The following SSBP2 variants were observed in gnomAD, a reference collection of about 807,000 sequenced individuals.
SSBP2 encodes single stranded DNA binding protein 2, also known as single-stranded DNA-binding protein 2.
Under a neutral mutation model 61.8 loss-of-function variants are expected in SSBP2, and 17 were observed. The observed-to-expected ratio is 0.28, with a 90% CI of 0.19 to 0.41. The LOEUF is 0.41. SSBP2 is among the 10% of genes least tolerant of loss of function. The pLI, the probability that SSBP2 is intolerant of heterozygous loss-of-function variation, is 1.00. For missense variants in SSBP2, 310 were observed against 458.7 expected (o/e 0.68, Z 2.96); for synonymous variants, 139 against 141.3 (o/e 0.98, Z 0.12).
chr5:81,447,480 C>T (rs961353923), intron 11 of SSBP2, among the ~76,000 whole-genome samples: 10 of 152,258 alleles, frequency 6.6e-5, no homozygotes, highest in African/African-American at 2.4e-4. Flanking sequence ...GCTGTAGCTA[C>T]ACAATCAAAC....
At chr5:81,626,725 G>A (rs115796357) in intron 3 of SSBP2, among the ~76,000 whole-genome samples, 1,636 of 152,258 alleles carry the variant, frequency 0.011, 29 homozygotes, top group African/African-American at 0.038. Context: ...ATCCGTGGAT[G>A]CCTCAATATA....
chr5:81,581,571 AT>A (rs1440802177), intron 4 of SSBP2, among the ~76,000 whole-genome samples: 1 of 152,208 alleles, frequency 6.6e-6, no homozygotes, highest in African/African-American at 2.4e-5. Context: ...ACAAATGAAA[AT>A]GTTTTTGCTG....
At chr5:81,627,351 C>A (rs894042347) in intron 3 of SSBP2, among the ~76,000 whole-genome samples, 2 of 152,142 alleles carry the variant, frequency 1.3e-5, no homozygotes, top group Admixed American at 6.5e-5. Context: ...CCTCCTCCTT[C>A]TAGCCCCGTT....
At position 81,518,603 on chromosome 5, in the gene SSBP2, A is replaced by C. The variant is rs538229378; in HGVS notation, c.283-4886T>G. Among the ~76,000 whole-genome samples, 3 of 152,270 alleles carry C rather than the reference A, an allele frequency of 2.0e-5. No homozygotes were observed. The East Asian group carries it at 5.8e-4, about 29-fold the overall frequency. On this transcript the variant is annotated intron_variant, in intron 4 of 16. Transcript: ENST00000320672. ...CTTTATAAACTACCCAGTCTCGGATATTCTGTTATAGCAGCACAGAATGAA... is the reference window on the plus strand; with the variant it reads ...CTTTATAAACTACCCAGTCTCGGATCTTCTGTTATAGCAGCACAGAATGAA...
At chr5:81,555,834 C>G (rs1457787731) in intron 4 of SSBP2, among the ~76,000 whole-genome samples, 1 of 152,062 alleles carries the variant, frequency 6.6e-6, no homozygotes, top group Non-Finnish European at 1.5e-5. Context: ...TGAGTCTCCA[C>G]ATTTTTGGTA....
At chr5:81,429,320 T>TTA (rs1762145923) in intron 15 of SSBP2, among the ~76,000 whole-genome samples, 1 of 152,128 alleles carries the variant, frequency 6.6e-6, no homozygotes, top group African/African-American at 2.4e-5. Flanking sequence ...AGTTTAAGAG[T>TTA]AGATTTACTT....
intron 1 of SSBP2, among the ~76,000 whole-genome samples, chr5:81,704,822 A>T (rs1754253638): frequency 1.4e-5 from 2 of 143,966 alleles, no homozygotes; most frequent in Admixed American, 1.4e-4. Flanking sequence ...AAAAAAAAAA[A>T]TGCATTCCCT....
At chr5:81,743,941 C>T (rs1296754737) in intron 1 of SSBP2, among the ~76,000 whole-genome samples, 1 of 152,204 alleles carries the variant, frequency 6.6e-6, no homozygotes, top group East Asian at 1.9e-4. Context: ...CACTTCTAGA[C>T]ATCCTGTTAT....
At chr5:81,473,568 C>T (rs533916212) in intron 8 of SSBP2, 132 bp downstream of exon 8, 81 of 761,752 alleles carry the variant, frequency 1.1e-4, no homozygotes, top group Non-Finnish European at 1.4e-4. Flanking sequence ...AGGACATAAT[C>T]GCATTCCTTT....
chr5:81,709,304 A>G (rs1754612689), intron 1 of SSBP2, among the ~76,000 whole-genome samples: 1 of 152,006 alleles, frequency 6.6e-6, no homozygotes, highest in African/African-American at 2.4e-5. Context: ...AAGCCAATAT[A>G]TAACCCACTA....
chr5:81,441,671 A>G (rs1355029880), intron 13 of SSBP2, among the ~76,000 whole-genome samples: 2 of 152,216 alleles, frequency 1.3e-5, no homozygotes, highest in Non-Finnish European at 2.9e-5. Context: ...GCCTTCTATC[A>G]CCATGGGCAA....
chr5:81,736,191 C>CACACACA (rs1257403812), intron 1 of SSBP2, among the ~76,000 whole-genome samples: 10 of 60,298 alleles, frequency 1.7e-4, no homozygotes, highest in African/African-American at 7.6e-4. Context: ...CACACACACT[C>CACACACA]TACGGCACTA....
In SSBP2 at chr5:81,527,901, T is replaced by TAAA. The variant is rs57104850; in HGVS notation, c.283-14187_283-14185dup. ...GTATGTATCCCAGAACTTAAAGTAG[T>TAAA]AAAAAAAAAAAAAAAAAGTGTTCTA... On this transcript the variant is annotated intron_variant, in intron 4 of 16. Coordinates refer to ENST00000320672, the MANE Select transcript of SSBP2 (RefSeq NM_012446.5). Among the ~76,000 whole-genome samples the TAAA allele has an allele frequency of 2.8e-3, 358 of 126,876 alleles. 3 individuals are homozygous for TAAA. Among genetic ancestry groups the TAAA allele is most frequent in the African/African-American group, 9.5e-3 (340 of 35,656 alleles). 83.2% of individuals were successfully genotyped at this position (126,876 alleles called of 152,430 possible).
chr5:81,525,480 A>G (rs1306539923), intron 4 of SSBP2, among the ~76,000 whole-genome samples: 1 of 151,996 alleles, frequency 6.6e-6, no homozygotes, highest in Non-Finnish European at 1.5e-5. Context: ...AATGGTCTTC[A>G]GTAGAGCTAA....
At chr5:81,566,584 C>T (rs1186667604) in intron 4 of SSBP2, among the ~76,000 whole-genome samples, 2 of 152,122 alleles carry the variant, frequency 1.3e-5, no homozygotes, top group Admixed American at 1.3e-4. Context: ...TCTTTATCAG[C>T]AGCATGAAAA....
At position 81,663,791 on chromosome 5, in the gene SSBP2, G is replaced by A. The variant is rs150028085; in HGVS notation, c.63-13452C>T. Among the ~76,000 whole-genome samples the A allele has an allele frequency of 4.1e-3, 627 of 152,200 alleles. 4 individuals carry two copies. Among genetic ancestry groups the A allele is most frequent in the African/African-American group, 0.014 (591 of 41,552 alleles). On this transcript the variant is annotated intron_variant, in intron 1 of 16. Transcript: ENST00000320672. Reference sequence around the variant, plus strand: ...CTTTTAATATTCAAAGAAAGTGTAGGGTTGAAACTGAAAAGTAGCCATTTA... The same window carrying A: ...CTTTTAATATTCAAAGAAAGTGTAGAGTTGAAACTGAAAAGTAGCCATTTA...
chr5:81,581,288 T>G (rs1213466810), intron 4 of SSBP2, among the ~76,000 whole-genome samples: 3 of 152,160 alleles, frequency 2.0e-5, no homozygotes, highest in Non-Finnish European at 4.4e-5. Context: ...TGAAGAATAC[T>G]AAAGAGGCGA....
intron 1 of SSBP2, among the ~76,000 whole-genome samples, chr5:81,674,654 C>CAA (rs1751823153): frequency 6.6e-6 from 1 of 152,142 alleles, no homozygotes; most frequent in Non-Finnish European, 1.5e-5. Flanking sequence ...ATAATTTCTA[C>CAA]ATTTTATATT....
intron 4 of SSBP2, among the ~76,000 whole-genome samples, chr5:81,516,252 T>C (rs1458694142): frequency 2.0e-5 from 3 of 152,096 alleles, no homozygotes; most frequent in Non-Finnish European, 4.4e-5. Flanking sequence ...ATTTTTACAG[T>C]TTGTACCTAT....
Sources: gnomAD v4.1 joint callset for allele counts (sites outside exome capture counted in the v4.1 genomes callset) on GRCh38, gnomAD v4.1.1 for gene constraint, MANE v1.5 for transcripts, NCBI Gene and HGNC (gene_info 2026-07-23, HGNC 2026-07-21) for gene names.